Variants in ATM observed in about 807,000 individuals in gnomAD.
ATM encodes the protein ATM serine/threonine kinase, also known as serine-protein kinase ATM.
A neutral mutation model predicts 387.0 loss-of-function variants in ATM; 308 were observed. The observed-to-expected ratio is 0.80, with a 90% CI of 0.73 to 0.87. ATM has a LOEUF of 0.87. Ranked by LOEUF, ATM falls within the 40% of genes least tolerant of loss-of-function variation. ATM has a pLI of 0.00. For synonymous variants in ATM, 1,156 were observed against 1,187.3 expected, an observed-to-expected ratio of 0.97 and a Z score of 0.54; for missense variants, 3,312 against 3,560.9, an observed-to-expected ratio of 0.93 and a Z score of 1.78.
intron 46 of ATM, 34 bp downstream of exon 46, chr11:108,325,578 C>G (rs770271751): frequency 6.6e-7 from 1 of 1,505,588 alleles, no homozygotes; most frequent in Non-Finnish European, 9.2e-7. Context: ...CATCTTACCT[C>G]TTGACTTTCC....
At chr11:108,319,798 A>G (rs1343957132) in intron 43 of ATM, among the ~76,000 whole-genome samples, 156 bp from the exon 44 acceptor site, 1 of 152,264 alleles carries the variant, frequency 6.6e-6, no homozygotes, top group African/African-American at 2.4e-5. Context: ...TAAATGACTC[A>G]TAAAATTTGT....
In ATM at chr11:108,366,386, CA is replaced by C. The variant is rs2091332168; in HGVS notation, c.*879del. 4.6e-6 allele frequency: 1 copy of C among 216,228 alleles called. No homozygotes were observed. The highest frequency in any genetic ancestry group is 6.9e-5 in the East Asian group (1 of 14,400). 13.4% of individuals were successfully genotyped at this position (216,228 alleles called of 1,614,324 possible). A position where few individuals can be genotyped will look rare whatever the true frequency, so the allele number is the denominator to read the frequency against. On this transcript the variant is annotated 3_prime_UTR_variant, in exon 63 of 63. Transcript: ENST00000675843. The stretch of plus-strand genomic sequence containing the variant: ...TTTTCAGATCTCTGTTTCTTGATGT[CA>C]TTTTTAATGTTTTTTTAATGTTTTT...
intron 56 of ATM, chr11:108,340,206 CAAT>C (rs1380767791): frequency 6.6e-6 from 1 of 152,082 alleles, no homozygotes; most frequent in African/African-American, 2.4e-5. Flanking sequence ...CAAAAGGAGA[CAAT>C]AACATCATGA....
intron 1 of ATM, 69 bp from the exon 2 acceptor site, chr11:108,227,524 TCA>T (rs1025659147): frequency 2.4e-5 from 23 of 968,816 alleles, no homozygotes; most frequent in Middle Eastern, 3.1e-4. Flanking sequence ...ACACATTTTT[TCA>T]CACCTCTTTC....
At chr11:108,238,868 G>A (rs1034969201) in intron 5 of ATM, among the ~76,000 whole-genome samples, 20 of 152,072 alleles carry the variant, frequency 1.3e-4, no homozygotes. Context: ...CAGTTGTGTA[G>A]TATTAAGTGC....
chr11:108,335,783 G>A (rs1376291526), intron 55 of ATM, 62 bp from the exon 56 acceptor site: 2 of 1,352,470 alleles, frequency 1.5e-6, no homozygotes, highest in East Asian at 4.7e-5. Flanking sequence ...ATTCTCAGAT[G>A]ACTCTGTGTT....
intron 40 of ATM, 38 bp downstream of exon 40, chr11:108,312,536 A>G (rs1377403073): frequency 1.4e-6 from 2 of 1,439,444 alleles, no homozygotes; most frequent in African/African-American, 2.8e-5. Context: ...GACAGTATTT[A>G]TCTCATACTT....
Position 108,279,600 on chromosome 11 carries a change from A to T in ATM, c.3394A>T (p.Arg1132Ter), listed in dbSNP as rs1591632541. The T allele has an allele frequency of 6.2e-7, 1 of 1,606,644 alleles. No homozygotes were observed. The highest frequency in any genetic ancestry group is 2.2e-5 in the East Asian group (1 of 44,778). The change falls in exon 23 of 63, where the codon AGA (arginine) becomes TGA (stop). Residue 1132 changes from arginine to a stop codon, truncating the protein, a stop_gained. Transcript: ENST00000675843. LOFTEE classifies it high-confidence loss of function. ...ATACTTGAAAGCTCAGGAAGGAATG[A>T]GAGAAATGGTAATTTTAAGTAACAT... ...NAYLKAQEGMREMSHSAENPE... is the reference protein window; with the variant it reads ...NAYLKAQEGM
intron 36 of ATM, among the ~76,000 whole-genome samples, chr11:108,304,095 T>C (rs1416637313): frequency 6.6e-6 from 1 of 152,216 alleles, no homozygotes; most frequent in Non-Finnish European, 1.5e-5. Flanking sequence ...AGCTGAATAC[T>C]GTTTTAATGT....
Position 108,267,235 on chromosome 11 carries a change from G to C in ATM, c.2531G>C (p.Gly844Ala), listed in dbSNP as rs587781808. The C allele has an allele frequency of 9.9e-6, 16 of 1,613,940 alleles. No individual in the cohort carries two copies. The highest frequency in any genetic ancestry group is 1.4e-5 in the Non-Finnish European group (16 of 1,179,978). The change falls in exon 17 of 63, where the codon GGA becomes GCA. Residue 844 changes from glycine to alanine, a missense_variant. Transcript: ENST00000675843. ...GAATCAATGGAAGATGATACTAATG[G>C]AAATCTAATGGAGGTGGAGGATCAG... The part of the protein sequence containing the change: ...EVESMEDDTN[G>A]NLMEVEDQSS...
intron 4 of ATM, 138 bp downstream of exon 4, chr11:108,229,461 A>G (rs2078906554): frequency 3.6e-6 from 3 of 832,260 alleles, no homozygotes; most frequent in Non-Finnish European, 5.5e-6. Context: ...AGTTGAGTGT[A>G]AGTACATATA....
At chr11:108,326,005 G>A (rs2136328445) in intron 46 of ATM, 53 bp from the exon 47 acceptor site, 1 of 1,578,368 alleles carries the variant, frequency 6.3e-7, no homozygotes, top group Non-Finnish European at 8.7e-7. Context: ...ATTATTCATG[G>A]TAGTAGTATC....
At chr11:108,313,881 ATTTTT>A (rs956168582) in intron 40 of ATM, among the ~76,000 whole-genome samples, 3 of 151,834 alleles carry the variant, frequency 2.0e-5, no homozygotes, top group Non-Finnish European at 4.4e-5. Context: ...TTTCTATTTT[ATTTTT>A]TTTATGTTTT....
At chr11:108,314,100 A>G (rs2084399194) in intron 40 of ATM, among the ~76,000 whole-genome samples, 1 of 151,932 alleles carries the variant, frequency 6.6e-6, no homozygotes, top group African/African-American at 2.4e-5. Context: ...GTAGGACTGT[A>G]TTTTCTAATG....
intron 26 of ATM, among the ~76,000 whole-genome samples, chr11:108,284,699 A>G (rs930953290): frequency 3.9e-5 from 6 of 152,214 alleles, no homozygotes; most frequent in African/African-American, 1.4e-4. Flanking sequence ...GAAATAATCC[A>G]AAAAACCATT....
chr11:108,313,314 T>G (rs1343171925), intron 40 of ATM, among the ~76,000 whole-genome samples: 2 of 152,210 alleles, frequency 1.3e-5, no homozygotes, highest in Non-Finnish European at 2.9e-5. Context: ...CAAAATAATT[T>G]CCCTCTTCCC....
intron 43 of ATM, among the ~76,000 whole-genome samples, chr11:108,318,132 C>T (rs2510636): frequency 4.6e-5 from 7 of 151,808 alleles, no homozygotes; most frequent in Non-Finnish European, 8.8e-5. Context: ...GAGGCCAAGG[C>T]GGGTGGATCG....
intron 33 of ATM, among the ~76,000 whole-genome samples, chr11:108,298,924 A>G (rs2083265483): frequency 6.6e-6 from 1 of 152,234 alleles, no homozygotes; most frequent in South Asian, 2.1e-4. Context: ...TAGAAAAGCA[A>G]TTCCATTTAC....
In ATM at chr11:108,293,599, A is replaced by T. The variant is rs887547866; in HGVS notation, c.4776+122A>T. On this transcript the variant is annotated intron_variant, in intron 31 of 62. Coordinates refer to ENST00000675843, the MANE Select transcript of ATM (RefSeq NM_000051.4). ...TCTTTAATTGTGATTAAAAATATAT[A>T]CGTAGGCCAGGCACATTGGCTCATG... is the stretch of plus-strand genomic sequence containing the variant. 9.8e-6 allele frequency: 9 copies of T among 919,036 alleles called. No individual in the cohort carries two copies. In the African/African-American group the frequency reaches 1.3e-4, roughly 14 times the overall value. 56.9% of individuals were successfully genotyped at this position (919,036 alleles called of 1,614,324 possible).
Sources: gnomAD v4.1 joint callset for allele counts (sites outside exome capture counted in the v4.1 genomes callset) on GRCh38, gnomAD v4.1.1 for gene constraint, MANE v1.5 for transcripts, NCBI Gene and HGNC (gene_info 2026-07-23, HGNC 2026-07-21) for gene names.